CDH4: variants seen among roughly 807,000 people sequenced by gnomAD.
CDH4 encodes the protein cadherin-4.
A neutral mutation model predicts 86.0 loss-of-function variants in CDH4; 33 were observed. The ratio of observed to expected loss-of-function variants is 0.38; its 90% confidence interval spans 0.29 to 0.51. CDH4 has a LOEUF of 0.51. Ranked by LOEUF, CDH4 falls within the 20% of genes least tolerant of loss-of-function variation. CDH4 has a pLI of 0.86. For synonymous variants in CDH4, 555 were observed against 549.4 expected, an observed-to-expected ratio of 1.01 and a Z score of -0.14; for missense variants, 1,114 against 1,307.4, an observed-to-expected ratio of 0.85 and a Z score of 2.28.
intron 2 of CDH4, among the ~76,000 whole-genome samples, chr20:61,477,200 G>A (rs2085542297): frequency 6.6e-6 from 1 of 152,218 alleles, no homozygotes; most frequent in African/African-American, 2.4e-5. Flanking sequence ...AGTGTGCGTG[G>A]AGGGCCAGCT....
intron 4 of CDH4, among the ~76,000 whole-genome samples, chr20:61,828,716 C>T (rs374038540): frequency 2.0e-5 from 3 of 152,212 alleles, no homozygotes; most frequent in Non-Finnish European, 4.4e-5. Context: ...TTCTGTGTGG[C>T]CTTGGCTCAG....
At chr20:61,789,839 G>A (rs903667215) in intron 4 of CDH4, among the ~76,000 whole-genome samples, 2 of 152,238 alleles carry the variant, frequency 1.3e-5, no homozygotes, top group African/African-American at 4.8e-5. Flanking sequence ...GCCCAGGCCT[G>A]AAGACTTTGT....
At chr20:61,627,470 G>A (rs1294511134) in intron 2 of CDH4, among the ~76,000 whole-genome samples, 1 of 152,134 alleles carries the variant, frequency 6.6e-6, no homozygotes, top group Non-Finnish European at 1.5e-5. Flanking sequence ...CACCCCTGGG[G>A]ATGCCAGGAG....
intron 2 of CDH4, among the ~76,000 whole-genome samples, chr20:61,429,090 G>T (rs1377029739): frequency 6.6e-6 from 1 of 151,310 alleles, no homozygotes; most frequent in Non-Finnish European, 1.5e-5. Context: ...AGTTACGATA[G>T]CTTACCTATG....
chr20:61,549,228 C>G (rs559678961), intron 2 of CDH4, among the ~76,000 whole-genome samples: 1 of 152,082 alleles, frequency 6.6e-6, no homozygotes, highest in African/African-American at 2.4e-5. Flanking sequence ...TAGCAATTGG[C>G]GTGAAATACG....
chr20:61,850,568 C>T (rs2146110064), intron 5 of CDH4, among the ~76,000 whole-genome samples: 1 of 152,330 alleles, frequency 6.6e-6, no homozygotes, highest in South Asian at 2.1e-4. Context: ...GAGCGCCTTC[C>T]CGCCCCAATG....
chr20:61,509,484 A>C (rs1474708623), intron 2 of CDH4, among the ~76,000 whole-genome samples: 2 of 146,160 alleles, frequency 1.4e-5, no homozygotes, highest in Non-Finnish European at 3.0e-5. Context: ...GAGGAGGAGG[A>C]GGCATTCGAG....
At chr20:61,705,792 C>T (rs1379194407) in intron 2 of CDH4, among the ~76,000 whole-genome samples, 4 of 152,236 alleles carry the variant, frequency 2.6e-5, no homozygotes, top group African/African-American at 7.2e-5. Context: ...CCTGCAGAAT[C>T]GCCGACAGGC....
At chr20:61,714,248 G>A (rs538053730) in intron 2 of CDH4, among the ~76,000 whole-genome samples, 1 of 151,734 alleles carries the variant, frequency 6.6e-6, no homozygotes, top group Non-Finnish European at 1.5e-5. Flanking sequence ...GGGTTTCACT[G>A]TGTTAGCCAG....
At chr20:61,270,774 G>T (rs146847850) in intron 2 of CDH4, among the ~76,000 whole-genome samples, 154 of 152,310 alleles carry the variant, frequency 1.0e-3, no homozygotes, top group African/African-American at 3.4e-3. Flanking sequence ...TGGGGTGGGG[G>T]TAGTGTGAGC....
intron 2 of CDH4, among the ~76,000 whole-genome samples, chr20:61,408,724 T>C (rs1030299873): frequency 7.1e-5 from 2 of 28,224 alleles, no homozygotes; most frequent in African/African-American, 7.8e-4. Flanking sequence ...TCATTTTGCA[T>C]ACAACACCAT....
At chr20:61,585,648 GGTGATGGTGATGGTGATT>G (rs2086463316) in intron 2 of CDH4, among the ~76,000 whole-genome samples, 1 of 151,912 alleles carries the variant, frequency 6.6e-6, no homozygotes. Context: ...TGATGATGAT[GGTGATGGTGATGGTGATT>G]GTGATGGTGA....
intron 2 of CDH4, among the ~76,000 whole-genome samples, chr20:61,730,935 C>T (rs2088172400): frequency 6.6e-6 from 1 of 152,116 alleles, no homozygotes; most frequent in Non-Finnish European, 1.5e-5. Flanking sequence ...TTGGGGTATC[C>T]AGGGGCTCCG....
chr20:61,908,696 A>C (rs2054818750), intron 8 of CDH4, among the ~76,000 whole-genome samples: 2 of 152,004 alleles, frequency 1.3e-5, no homozygotes, highest in Admixed American at 6.5e-5. Flanking sequence ...GTCCAACGGG[A>C]GTGTCAGCAC....
intron 2 of CDH4, among the ~76,000 whole-genome samples, chr20:61,654,157 CTCCG>C (rs770416563): frequency 6.6e-6 from 1 of 152,162 alleles, no homozygotes; most frequent in Non-Finnish European, 1.5e-5. Context: ...GTGAACCAGA[CTCCG>C]TCTGCAATCC....
intron 8 of CDH4, among the ~76,000 whole-genome samples, chr20:61,910,104 G>A (rs572783423): frequency 2.6e-4 from 39 of 152,236 alleles, no homozygotes; most frequent in Non-Finnish European, 5.4e-4. Context: ...TGGCTGACAC[G>A]GTGTGTTCTG....
chr20:61,317,689 A>G (rs1350123185), intron 2 of CDH4, among the ~76,000 whole-genome samples: 2 of 152,086 alleles, frequency 1.3e-5, no homozygotes, highest in Non-Finnish European at 2.9e-5. Context: ...GCCACAACCA[A>G]AAATGCCTCT....
rs978975555 is a variant in CDH4 at position 61,853,041 on chromosome 20, G to A, written c.877+143G>A. On this transcript the variant is annotated intron_variant, in intron 6 of 15. Coordinates refer to ENST00000614565, the MANE Select transcript of CDH4 (RefSeq NM_001794.5). The stretch of plus-strand genomic sequence containing the variant: ...GGGCGCAGACACACAGCATGCAGCA[G>A]ACGTCCACCAAAGCCCCTGCTCTCA... 38 of 847,310 alleles carry A rather than the reference G, an allele frequency of 4.5e-5. No homozygotes were observed. In the African/African-American group the frequency reaches 5.8e-4, roughly 13 times the overall value. The allele number at this position is 847,310 out of a possible 1,614,324, so 52.5% of individuals were successfully genotyped here.
chr20:61,324,254 C>T (rs2084525046), intron 2 of CDH4, among the ~76,000 whole-genome samples: 2 of 152,070 alleles, frequency 1.3e-5, no homozygotes, highest in Non-Finnish European at 1.5e-5. Context: ...TCCAGGAAGC[C>T]CTCCTGGAGG....
Sources: gnomAD v4.1 joint callset for allele counts (sites outside exome capture counted in the v4.1 genomes callset) on GRCh38, gnomAD v4.1.1 for gene constraint, MANE v1.5 for transcripts, NCBI Gene and HGNC (gene_info 2026-07-23, HGNC 2026-07-21) for gene names.